BICRAL: variants seen among roughly 807,000 people sequenced by gnomAD.
The protein encoded by BICRAL is BICRA like chromatin remodeling complex associated protein.
Under a neutral mutation model 91.8 loss-of-function variants are expected in BICRAL, and 8 were observed. That is an observed-to-expected ratio of 0.09 (90% CI 0.05 to 0.16). BICRAL has a LOEUF of 0.16. BICRAL is among the 10% of genes least tolerant of loss of function. BICRAL has a pLI of 1.00. For missense variants in BICRAL, 1,038 were observed against 1,310.9 expected (o/e 0.79, Z 3.21); for synonymous variants, 445 against 491.1 (o/e 0.91, Z 1.24).
chr6:42,810,601 G>T (rs1763821984), intron 2 of BICRAL, among the ~76,000 whole-genome samples, 200 bp downstream of exon 2: 1 of 152,156 alleles, frequency 6.6e-6, no homozygotes, highest in Non-Finnish European at 1.5e-5. Flanking sequence ...GCTATTCATG[G>T]CATAACTTTT....
intron 6 of BICRAL, among the ~76,000 whole-genome samples, chr6:42,833,741 C>T (rs1259476400): frequency 6.6e-6 from 1 of 151,894 alleles, no homozygotes; most frequent in African/African-American, 2.4e-5. Context: ...CAGGATCCAC[C>T]CAGGATCACT....
chr6:42,776,309 T>C (rs573457061), intron 1 of BICRAL, among the ~76,000 whole-genome samples: 1 of 151,852 alleles, frequency 6.6e-6, no homozygotes. Context: ...AGTGCTGGGA[T>C]TACAGGCATG....
At chr6:42,782,329 T>G (rs989484514) in intron 1 of BICRAL, among the ~76,000 whole-genome samples, 15 of 132,896 alleles carry the variant, frequency 1.1e-4, no homozygotes, top group Non-Finnish European at 2.3e-4. Context: ...AAGGCTGTGT[T>G]TTTTTTTTTT....
intron 5 of BICRAL, among the ~76,000 whole-genome samples, chr6:42,824,484 A>G (rs1025164219): frequency 6.6e-6 from 1 of 152,058 alleles, no homozygotes; most frequent in African/African-American, 2.4e-5. Flanking sequence ...AGCTGGGATT[A>G]CAGGTACCCA....
chr6:42,754,132 C>T (rs1163265325), intron 1 of BICRAL, among the ~76,000 whole-genome samples: 1 of 151,772 alleles, frequency 6.6e-6, no homozygotes, highest in Non-Finnish European at 1.5e-5. Flanking sequence ...GATTACAGGC[C>T]GTGTTTGAAG....
At chr6:42,770,604 C>T (rs1289599945) in intron 1 of BICRAL, among the ~76,000 whole-genome samples, 4 of 151,852 alleles carry the variant, frequency 2.6e-5, no homozygotes, top group African/African-American at 9.7e-5. Context: ...TTAGTACAGA[C>T]GGGGTTTCAC....
At chr6:42,747,811 T>TTG (rs202115885) in intron 1 of BICRAL, among the ~76,000 whole-genome samples, 5,594 of 148,948 alleles carry the variant, frequency 0.038, 365 homozygotes, top group African/African-American at 0.13. Context: ...TTTTGTTTTT[T>TTG]TTTTTTTTTT....
At chr6:42,808,241 C>T (rs926259285) in intron 1 of BICRAL, among the ~76,000 whole-genome samples, 3 of 151,876 alleles carry the variant, frequency 2.0e-5, no homozygotes, top group Non-Finnish European at 4.4e-5. Flanking sequence ...AAGCGATTCT[C>T]CTGCCTCAGC....
At chr6:42,808,409 C>G (rs1763770866) in intron 1 of BICRAL, among the ~76,000 whole-genome samples, 1 of 152,160 alleles carries the variant, frequency 6.6e-6, no homozygotes, top group Non-Finnish European at 1.5e-5. Context: ...GGATTACAGG[C>G]AAGAGCCACT....
At position 42,810,419 on chromosome 6, in the gene BICRAL, G is replaced by A. The variant is rs1763818769; in HGVS notation, c.-6+18G>A. On this transcript the variant is annotated intron_variant, in intron 2 of 12. Coordinates refer to ENST00000314073, the MANE Select transcript of BICRAL (RefSeq NM_001393499.1). ...TTGCAATGGTAATGAATTGTTGCAT[G>A]TCTGTCTTCCAAAAGAAAGTGAGTT... is the stretch of plus-strand genomic sequence containing the variant. The A allele has an allele frequency of 6.6e-6, 1 of 152,208 alleles. No individual in the cohort carries two copies. Among genetic ancestry groups the A allele is most frequent in the South Asian group, 2.1e-4 (1 of 4,832 alleles). The allele number at this position is 152,208 out of a possible 1,614,324, so 9.4% of individuals were successfully genotyped here.
intron 8 of BICRAL, among the ~76,000 whole-genome samples, 156 bp from the exon 9 acceptor site, chr6:42,855,700 G>GTT (rs371639297): frequency 1.4e-5 from 2 of 144,830 alleles, no homozygotes. Flanking sequence ...CTGTGTACTG[G>GTT]TTTTTTTTTT....
At chr6:42,755,145 G>T (rs1762440615) in intron 1 of BICRAL, among the ~76,000 whole-genome samples, 1 of 147,708 alleles carries the variant, frequency 6.8e-6, no homozygotes, top group Non-Finnish European at 1.5e-5. Context: ...TGAAAACCCT[G>T]GGGGAATAGG....
rs1263550031 is a variant in BICRAL, at chr6:42,852,783, GA to G, written c.1945+594del. Among the ~76,000 whole-genome samples the G allele has an allele frequency of 2.0e-5, 3 of 150,240 alleles. No homozygotes were observed. The Admixed American group carries it at 2.0e-4, about 10-fold the overall frequency. ...AAATTATGACACATTAAATTATGTG[GA>G]AAAAAAATACTTCTTAGAAACAATA... On this transcript the variant is annotated intron_variant, in intron 7 of 12. Transcript: ENST00000314073.
intron 6 of BICRAL, among the ~76,000 whole-genome samples, chr6:42,844,554 T>TGGAG (rs1764932897): frequency 1.4e-5 from 1 of 70,222 alleles, no homozygotes; most frequent in African/African-American, 6.1e-5. Context: ...AAGAGGGTGT[T>TGGAG]GCAGAAAGAA....
At position 42,829,843 on chromosome 6, in the gene BICRAL, G is replaced by A; in HGVS notation, c.1510G>A (p.Ala504Thr). Residue 504 changes from alanine to threonine, a missense_variant, in exon 6 of 13, where the codon GCA (alanine) becomes ACA (threonine). This residue lies in a region of BICRAL where 532 missense variants were observed against 724.9 expected (regional missense o/e 0.73). Transcript: ENST00000314073. The part of the protein sequence containing the change: ...LVGGQMPLQQ[A>T]SPTVLHLSPG... ...GGGTGGACAGATGCCCTTGCAGCAGGCATCCCCAACTGTATTACACCTGTC... is the reference window on the plus strand; with the variant it reads ...GGGTGGACAGATGCCCTTGCAGCAGACATCCCCAACTGTATTACACCTGTC... 6.2e-7 allele frequency: 1 copy of A among 1,614,154 alleles called. No individual in the cohort carries two copies. Among genetic ancestry groups the A allele is most frequent in the Non-Finnish European group, 8.5e-7 (1 of 1,180,032 alleles).
chr6:42,763,596 G>A (rs371734933), intron 1 of BICRAL, among the ~76,000 whole-genome samples: 2 of 151,846 alleles, frequency 1.3e-5, no homozygotes, highest in African/African-American at 4.8e-5. Context: ...TAAGGCAAGC[G>A]GATCACTTGA....
At chr6:42,807,386 T>C (rs1448071128) in intron 1 of BICRAL, among the ~76,000 whole-genome samples, 2 of 151,436 alleles carry the variant, frequency 1.3e-5, no homozygotes, top group Admixed American at 6.6e-5. Context: ...GGTTTCACCA[T>C]GTTAGCCAGG....
At position 42,782,924 on chromosome 6, in the gene BICRAL, G is replaced by C. The variant is rs931774388; in HGVS notation, c.-102+823G>C. Among the ~76,000 whole-genome samples the C allele has an allele frequency of 2.6e-5, 4 of 151,764 alleles. No homozygotes were observed. The East Asian group carries it at 7.8e-4, about 30-fold the overall frequency. The stretch of plus-strand genomic sequence containing the variant: ...TTCTTTTCTCTCTCGGAAGCTCTAG[G>C]GTGTGAATCACATTTTCTTTCTTCT... On this transcript the variant is annotated intron_variant, in intron 1 of 12. Coordinates refer to ENST00000314073, the MANE Select transcript of BICRAL (RefSeq NM_001393499.1).
intron 1 of BICRAL, among the ~76,000 whole-genome samples, chr6:42,755,758 C>T (rs1353851208): frequency 3.3e-5 from 5 of 151,946 alleles, no homozygotes; most frequent in Admixed American, 6.6e-5. Context: ...CAACCTCCGC[C>T]TCCTGGGTTC....
Sources: gnomAD v4.1 joint callset for allele counts (sites outside exome capture counted in the v4.1 genomes callset) on GRCh38, gnomAD v4.1.1 for gene constraint, gnomAD v4.1.1 regional missense constraint, MANE v1.5 for transcripts, NCBI Gene and HGNC (gene_info 2026-07-23, HGNC 2026-07-21) for gene names.